Variants in USP42 observed in about 807,000 individuals in gnomAD.
USP42 encodes the protein ubiquitin specific peptidase 42.
Under a neutral mutation model 113.0 loss-of-function variants are expected in USP42, and 23 were observed. The observed-to-expected ratio is 0.20, with a 90% CI of 0.15 to 0.29. The LOEUF (loss-of-function observed/expected upper bound fraction) is 0.29, where lower values mean the gene tolerates loss of function less well. Ranked by LOEUF, USP42 falls within the 10% of genes least tolerant of loss-of-function variation. The probability of loss-of-function intolerance (pLI) is 1.00; values close to 1 mark genes in which losing one functional copy is unlikely to be tolerated. For missense variants in USP42, 2,174 were observed against 1,779.8 expected, an observed-to-expected ratio of 1.22 and a Z score of -3.99; for synonymous variants, 933 against 699.0, an observed-to-expected ratio of 1.33 and a Z score of -5.28.
intron 12 of USP42, among the ~76,000 whole-genome samples, chr7:6,148,945 A>T (rs895327310): frequency 6.6e-6 from 1 of 152,186 alleles, no homozygotes; most frequent in South Asian, 2.1e-4. Context: ...TGTTTTTACC[A>T]TGAAGCTTTC....
chr7:6,157,862 T>C lies in USP42; in HGVS notation c.3943+807T>C, dbSNP rs550472878. Among the ~76,000 whole-genome samples, 13 of 152,278 alleles carry C rather than the reference T, an allele frequency of 8.5e-5. No homozygotes were observed. The highest frequency in any genetic ancestry group is 5.2e-4 in the Admixed American group (8 of 15,304). Reference sequence around the variant, plus strand: ...GATTCTCTTCTGCCCTGTGGGGCTGTGTCTCCGTCCTGTGGCCACACGCTG... The same window carrying C: ...GATTCTCTTCTGCCCTGTGGGGCTGCGTCTCCGTCCTGTGGCCACACGCTG... On this transcript the variant is annotated intron_variant, in intron 16 of 17. Coordinates refer to ENST00000306177, the MANE Select transcript of USP42 (RefSeq NM_032172.3). This position sits in a 1 kb window ranked among gnomAD's most constrained non-coding sequence, Gnocchi z 4.1.
chr7:6,091,712 C>T, the USP42 span, among the ~76,000 whole-genome samples: 2 of 150,208 alleles, frequency 1.3e-5, no homozygotes, highest in East Asian at 1.9e-4. Flanking sequence ...CACACACACA[C>T]ACATATATAT....
intron 3 of USP42, chr7:6,116,922 C>G: frequency 2.0e-6 from 1 of 507,412 alleles, no homozygotes; most frequent in Non-Finnish European, 4.0e-6. Flanking sequence ...TTCAGAAGCT[C>G]CCGATGTCCA....
the USP42 span, chr7:6,085,361 C>G: frequency 5.4e-4 from 81 of 150,370 alleles, 7 homozygotes; most frequent in African/African-American, 1.4e-3. Flanking sequence ...TCCTGACCTT[C>G]TGATCCACCA....
At chr7:6,086,050 T>C in the USP42 span, among the ~76,000 whole-genome samples, 4 of 150,570 alleles carry the variant, frequency 2.7e-5, no homozygotes, top group South Asian at 8.3e-4. Flanking sequence ...TTTTTTCTTT[T>C]TTTTTGAGAC....
At chr7:6,149,476 T>TGA (rs1781909724) in intron 12 of USP42, 107 bp from the exon 13 acceptor site, 4 of 1,207,270 alleles carry the variant, frequency 3.3e-6, no homozygotes, top group Non-Finnish European at 1.1e-6. Flanking sequence ...TTGTTAGTCC[T>TGA]GAAAAAAAAA....
rs1386432740 is a variant in USP42, at chr7:6,154,018, G to A, written c.2464G>A (p.Gly822Arg). 2 of 1,604,248 alleles carry A rather than the reference G, an allele frequency of 1.2e-6. No individual in the cohort carries two copies. The highest frequency in any genetic ancestry group is 4.5e-5 in the East Asian group (2 of 44,856). ...DTAPPDLCDP[G>R]SLTGDASPLS... ...AGCACCCCCTGACCTGTGTGATCCC[G>A]GGAGCTTAACAGGCGATGCGAGCCC... is the stretch of plus-strand genomic sequence containing the variant. The change falls in exon 15 of 18, where the codon GGG becomes AGG. Residue 822 changes from glycine (G) to arginine (R), a missense_variant. Coordinates refer to ENST00000306177, the MANE Select transcript of USP42 (RefSeq NM_032172.3).
Position 6,154,467 on chromosome 7 carries a change from C to G in USP42, c.2913C>G (p.Ser971Arg), listed in dbSNP as rs1782290305. The change falls in exon 15 of 18, where the codon AGC becomes AGG. Residue 971 changes from serine (S) to arginine (R), a missense_variant. Coordinates refer to ENST00000306177, the MANE Select transcript of USP42 (RefSeq NM_032172.3). ...SSGEPARESR[S>R]KTEGHRHRRR... ...GGGAGCCCGCCAGAGAGAGCAGGAGCAAGACTGAGGGCCACCGTCACCGGC... is the reference window on the plus strand; with the variant it reads ...GGGAGCCCGCCAGAGAGAGCAGGAGGAAGACTGAGGGCCACCGTCACCGGC... 13 of 1,560,810 alleles carry G rather than the reference C, an allele frequency of 8.3e-6. 1 individual carries two copies. In the East Asian group the frequency reaches 1.2e-4, roughly 14 times the overall value.
At chr7:6,106,049 C>T (rs183264055) in intron 1 of USP42, among the ~76,000 whole-genome samples, 3 of 152,308 alleles carry the variant, frequency 2.0e-5, no homozygotes, top group Admixed American at 1.3e-4. Context: ...ACATTTTAAA[C>T]CTAATTCTTT....
At chr7:6,112,521 G>T (rs1438555432) in intron 2 of USP42, among the ~76,000 whole-genome samples, 1 of 152,078 alleles carries the variant, frequency 6.6e-6, no homozygotes, top group Non-Finnish European at 1.5e-5. Context: ...TACAAATGTG[G>T]TTACATTCGT....
the USP42 span, among the ~76,000 whole-genome samples, chr7:6,086,030 C>A: frequency 6.6e-6 from 1 of 150,636 alleles, no homozygotes; most frequent in African/African-American, 2.5e-5. Context: ...GTGATAACCA[C>A]CCTCTTTTTT....
At chr7:6,142,817 G>T in intron 7 of USP42, 115 bp from the exon 8 acceptor site, 1 of 900,586 alleles carries the variant, frequency 1.1e-6, no homozygotes, top group South Asian at 1.5e-5. Context: ...CCAGGAGGTC[G>T]AGGCTGCAGT....
At chr7:6,111,424 GC>G (rs1297585179) in intron 2 of USP42, 50 bp downstream of exon 2, 3 of 1,586,852 alleles carry the variant, frequency 1.9e-6, no homozygotes, top group Non-Finnish European at 2.6e-6. Flanking sequence ...CTGTGTAAAT[GC>G]TGCTGGGGCT....
chr7:6,153,132 G>A (rs1401970954), intron 14 of USP42: 1 of 169,648 alleles, frequency 5.9e-6, no homozygotes. Flanking sequence ...TATCAGCTGG[G>A]CATGGTGGTG....
rs917630376 is a variant in USP42, at chr7:6,133,350, A to G, written c.443-2491A>G. Among the ~76,000 whole-genome samples, 17 of 152,302 alleles carry G rather than the reference A, an allele frequency of 1.1e-4. No individual in the cohort carries two copies. The South Asian group carries it at 3.1e-3, about 28-fold the overall frequency. On this transcript the variant is annotated intron_variant, in intron 3 of 17. Coordinates refer to ENST00000306177, the MANE Select transcript of USP42 (RefSeq NM_032172.3). ...ATCAGGGGCAACTTAAAATTGTCCC[A>G]TAGCTTACTGGTATGCTGTGTTGTT...
chr7:6,088,172 A>G, the USP42 span, among the ~76,000 whole-genome samples: 1 of 151,106 alleles, frequency 6.6e-6, no homozygotes, highest in Non-Finnish European at 1.5e-5. Flanking sequence ...CTGAGCTATG[A>G]TTGCTCCAGT....
At chr7:6,106,446 C>G (rs148826590) in intron 1 of USP42, among the ~76,000 whole-genome samples, 39 of 152,290 alleles carry the variant, frequency 2.6e-4, no homozygotes, top group Middle Eastern at 3.4e-3. Flanking sequence ...CATTTGATAA[C>G]AAGGGAGACA....
chr7:6,102,317 T>C (rs1285504643), upstream of USP42, among the ~76,000 whole-genome samples: 5 of 150,060 alleles, frequency 3.3e-5, no homozygotes, highest in Admixed American at 3.3e-4. Flanking sequence ...TTTCAGCATA[T>C]TGGCCAGGCT....
chr7:6,084,483 G>C, the USP42 span: 1 of 151,328 alleles, frequency 6.6e-6, no homozygotes, highest in African/African-American at 2.5e-5. Context: ...GCCTGAGGGA[G>C]GGGCTCTCCT....
Sources: gnomAD v4.1 joint callset for allele counts (sites outside exome capture counted in the v4.1 genomes callset) on GRCh38, gnomAD v4.1.1 for gene constraint, Gnocchi (gnomAD v3.1) non-coding constraint, MANE v1.5 for transcripts, NCBI Gene and HGNC (gene_info 2026-07-23, HGNC 2026-07-21) for gene names.